Variants in RDM1 observed in about 807,000 individuals in gnomAD.
The protein encoded by RDM1 is RAD52 motif-containing protein 1.
RDM1 carries 28 observed loss-of-function variants against 27.7 expected under a neutral mutation model. That is an observed-to-expected ratio of 1.01 (90% confidence interval 0.75 to 1.39). RDM1 has a LOEUF of 1.39. Ranked by LOEUF, RDM1 falls within the 40% of genes most tolerant of loss-of-function variation. The pLI, the probability that RDM1 is intolerant of heterozygous loss-of-function variation, is 0.00. For synonymous variants in RDM1, 124 were observed against 127.5 expected, an observed-to-expected ratio of 0.97 and a Z score of 0.19; for missense variants, 277 against 337.3, an observed-to-expected ratio of 0.82 and a Z score of 1.40.
At chr17:35,923,541 T>C (rs1332673385) in intron 4 of RDM1, among the ~76,000 whole-genome samples, 1 of 150,688 alleles carries the variant, frequency 6.6e-6, no homozygotes. Context: ...TAGGCACCTG[T>C]AACCCCAGCT....
Position 35,930,730 on chromosome 17 carries a change from T to C in RDM1, c.-3A>G. The C allele has an allele frequency of 1.2e-6, 2 of 1,612,784 alleles. No individual in the cohort carries two copies. The highest frequency in any genetic ancestry group is 1.7e-6 in the Non-Finnish European group (2 of 1,179,500). On this transcript the variant is annotated 5_prime_UTR_variant, in exon 1 of 7. Coordinates refer to ENST00000620284, the MANE Select transcript of RDM1 (RefSeq NM_145654.4). The stretch of plus-strand genomic sequence containing the variant: ...GCAAAAGGTACCAACTCCGCCATCC[T>C]CCCTTCACCGCACCTGCGCGGCTAA...
At chr17:35,921,733 T>C (rs944193144) in intron 5 of RDM1, among the ~76,000 whole-genome samples, 1 of 152,310 alleles carries the variant, frequency 6.6e-6, no homozygotes, top group African/African-American at 2.4e-5. Context: ...ATAGTTAATA[T>C]GTCTGCTTAT....
At chr17:35,920,878 T>C (rs1404858370) in intron 5 of RDM1, among the ~76,000 whole-genome samples, 1 of 152,168 alleles carries the variant, frequency 6.6e-6, no homozygotes, top group Admixed American at 6.5e-5. Context: ...ACCAAAATGC[T>C]CAATCATAAT....
At chr17:35,924,837 A>C (rs2089079997) in intron 3 of RDM1, 65 bp from the exon 4 acceptor site, 6 of 1,545,438 alleles carry the variant, frequency 3.9e-6, no homozygotes, top group Non-Finnish European at 5.3e-6. Flanking sequence ...ATGTTTTGTT[A>C]TTAAAAGTAA....
In RDM1 at chr17:35,918,377, C is replaced by G. The variant is rs1217529582; in HGVS notation, c.820G>C (p.Glu274Gln). ...EEGYLSDFSL[E>Q]EEEFRLPELD ...TCTGGCAGCCTGAACTCTTCCTCCTCCAAGCTGAAATCCGAGAGATACCCT... is the reference window on the plus strand; with the variant it reads ...TCTGGCAGCCTGAACTCTTCCTCCTGCAAGCTGAAATCCGAGAGATACCCT... The change falls in exon 7 of 7, where the codon GAG (glutamate) becomes CAG (glutamine). Residue 274 changes from glutamate to glutamine, a missense_variant. Physicochemically the swap from Glu to Gln is conservative, Grantham distance 29. Coordinates refer to ENST00000620284, the MANE Select transcript of RDM1 (RefSeq NM_145654.4). 6.2e-7 allele frequency: 1 copy of G among 1,614,070 alleles called. No homozygotes were observed. The highest frequency in any genetic ancestry group is 2.2e-5 in the East Asian group (1 of 44,878).
chr17:35,930,432 G>A, intron 1 of RDM1, 177 bp from the exon 2 acceptor site: 1 of 962,918 alleles, frequency 1.0e-6, no homozygotes, highest in Non-Finnish European at 1.5e-6. Flanking sequence ...AAGGTAAAAC[G>A]TTCTGAAGGT....
intron 2 of RDM1, among the ~76,000 whole-genome samples, chr17:35,926,694 C>T (rs1037232031): frequency 2.0e-5 from 3 of 152,112 alleles, no homozygotes; most frequent in Admixed American, 2.0e-4. Context: ...TGAGCCACTG[C>T]GCCTGGCCGT....
Position 35,922,578 on chromosome 17 carries a change from T to G in RDM1, c.666A>C (p.Leu222=). The part of the protein sequence containing the change: ...DAFQKLLIVV[L]ESGKIAVEYR... ...CAAGGATGATCAAGACAGTCTTACC[T>G]AGAACAACAATCAACAGTTTCTGGA... is the stretch of plus-strand genomic sequence containing the variant. Residue 222 remains leucine, a splice_region_variant and synonymous_variant, in exon 5 of 7, where the codon CTA becomes CTC. Coordinates refer to ENST00000620284, the MANE Select transcript of RDM1 (RefSeq NM_145654.4). 1.9e-6 allele frequency: 3 copies of G among 1,611,290 alleles called. No individual in the cohort carries two copies. The highest frequency in any genetic ancestry group is 2.5e-6 in the Non-Finnish European group (3 of 1,179,472).
rs1202172235 is a variant in RDM1, at chr17:35,924,730, T to A, written c.442A>T (p.Ser148Cys). Residue 148 changes from serine (S) to cysteine (C), a missense_variant, in exon 4 of 7, where the codon AGC becomes TGC. Coordinates refer to ENST00000620284, the MANE Select transcript of RDM1 (RefSeq NM_145654.4). ...SDLEERENED[S>C]MVPLPKQSLK... ...CTTTGCTTCGGAAGTGGCACCATGC[T>A]ATCTTCATTTTCCCTTTCTTCAAGG... 1.2e-6 allele frequency: 2 copies of A among 1,614,206 alleles called. No individual in the cohort carries two copies. The highest frequency in any genetic ancestry group is 2.2e-5 in the South Asian group (2 of 91,086).
intron 2 of RDM1, among the ~76,000 whole-genome samples, chr17:35,927,079 G>A (rs1263289458): frequency 2.8e-5 from 4 of 140,570 alleles, no homozygotes; most frequent in African/African-American, 5.4e-5. Context: ...CTGTCAGCTT[G>A]GATAACTTTG....
chr17:35,918,276 G>C lies in RDM1; in HGVS notation c.*66C>G, dbSNP rs932374838. 25 of 1,381,674 alleles carry C rather than the reference G, an allele frequency of 1.8e-5. No individual in the cohort carries two copies. Among genetic ancestry groups the C allele is most frequent in the Middle Eastern group, 4.9e-4 (2 of 4,052 alleles). 85.6% of individuals were successfully genotyped at this position (1,381,674 alleles called of 1,614,324 possible). On this transcript the variant is annotated 3_prime_UTR_variant, in exon 7 of 7. Coordinates refer to ENST00000620284, the MANE Select transcript of RDM1 (RefSeq NM_145654.4). ...GCAGCCTATAGTGGTGGGGCGGCGTGGGGTAGGGGCACGACAGAGCTTCCC... is the reference window on the plus strand; with the variant it reads ...GCAGCCTATAGTGGTGGGGCGGCGTCGGGTAGGGGCACGACAGAGCTTCCC...
intron 5 of RDM1, among the ~76,000 whole-genome samples, chr17:35,921,569 CA>C (rs1346406692): frequency 6.6e-6 from 1 of 152,182 alleles, no homozygotes; most frequent in Non-Finnish European, 1.5e-5. Context: ...AGGCTCACGG[CA>C]AAGCAGCTGA....
Position 35,922,627 on chromosome 17 carries a change from A to G in RDM1, c.617T>C (p.Ile206Thr). Residue 206 changes from isoleucine to threonine, a missense_variant, in exon 5 of 7, where the codon ATT becomes ACT. Transcript: ENST00000620284. ...MKRKTAQKLA[I>T]QKALSDAFQK... ...GAATGCATCTGACAAAGCCTTCTGA[A>G]TAGCAAGCTTCTGGGCTGTCTTCCT... is the stretch of plus-strand genomic sequence containing the variant. 6.2e-7 allele frequency: 1 copy of G among 1,611,632 alleles called. No homozygotes were observed. The highest frequency in any genetic ancestry group is 8.5e-7 in the Non-Finnish European group (1 of 1,179,814).
chr17:35,924,345 A>C (rs546109092), intron 4 of RDM1, among the ~76,000 whole-genome samples: 1 of 152,280 alleles, frequency 6.6e-6, no homozygotes, highest in Admixed American at 6.5e-5. Flanking sequence ...AAAAACTGTA[A>C]AAACATTACT....
intron 1 of RDM1, 66 bp downstream of exon 1, chr17:35,930,566 C>T: frequency 2.0e-6 from 3 of 1,479,970 alleles, no homozygotes; most frequent in African/African-American, 2.8e-5. Flanking sequence ...AGGCAGGACT[C>T]CGGAACTCCC....
Position 35,918,417 on chromosome 17 carries a change from A to G in RDM1, c.780T>C (p.Tyr260=), listed in dbSNP as rs141941876. The change falls in exon 7 of 7, where the codon TAT becomes TAC. Residue 260 remains tyrosine (Y), a synonymous_variant. Coordinates refer to ENST00000620284, the MANE Select transcript of RDM1 (RefSeq NM_145654.4). ...AGAGATACCCTTCCTCCTCTTGGCC[A>G]TACTGCTTCCAGGGAGAGCAAGGGA... ...IQVPCSPWKQ[Y]GQEEEGYLSD... The G allele has an allele frequency of 4.3e-6, 7 of 1,614,016 alleles. No individual in the cohort carries two copies. In the Admixed American group the frequency reaches 6.7e-5, roughly 15 times the overall value.
chr17:35,930,590 G>C (rs375446393), intron 1 of RDM1, 42 bp downstream of exon 1: 5 of 1,574,474 alleles, frequency 3.2e-6, no homozygotes, highest in Non-Finnish European at 4.3e-6. Flanking sequence ...CAGCGGGTGG[G>C]CAGCTTTCTC....
chr17:35,918,126 G>T lies in RDM1; in HGVS notation c.*216C>A, dbSNP rs1485723241. 12 of 586,550 alleles carry T rather than the reference G, an allele frequency of 2.0e-5. No individual in the cohort carries two copies. Among genetic ancestry groups the T allele is most frequent in the Non-Finnish European group, 2.1e-5 (7 of 327,956 alleles). The allele number at this position is 586,550 out of a possible 1,614,324, so 36.3% of individuals were successfully genotyped here. ...AAGTTCCGTTCGAGATCCGCTCCTC[G>T]TCACCAGGGCGATCTTATCCCACAA... is the stretch of plus-strand genomic sequence containing the variant. On this transcript the variant is annotated 3_prime_UTR_variant, in exon 7 of 7. Coordinates refer to ENST00000620284, the MANE Select transcript of RDM1 (RefSeq NM_145654.4).
chr17:35,918,638 C>T (rs1568382917), intron 6 of RDM1, among the ~76,000 whole-genome samples, 195 bp from the exon 7 acceptor site: 1 of 152,094 alleles, frequency 6.6e-6, no homozygotes, highest in Non-Finnish European at 1.5e-5. Flanking sequence ...GGGAGGTGGG[C>T]AATTCAGTCT....
Sources: allele counts gnomAD v4.1 joint callset (sites outside exome capture counted in the v4.1 genomes callset), GRCh38; gene constraint gnomAD v4.1.1; transcripts MANE v1.5; gene names NCBI Gene and HGNC (gene_info 2026-07-23, HGNC 2026-07-21).